Variants in PDCL2 observed in about 807,000 individuals in gnomAD.
PDCL2 encodes the protein phosducin like 2.
PDCL2 carries 23 observed loss-of-function variants against 30.3 expected under a neutral mutation model. The ratio of observed to expected loss-of-function variants is 0.76; its 90% CI spans 0.55 to 1.08. The LOEUF is 1.08. Among genes scored for constraint, PDCL2 ranks in the 50% least tolerant of loss-of-function variants. The probability of loss-of-function intolerance (pLI) is 0.00; values close to 1 mark genes in which losing one functional copy is unlikely to be tolerated. For missense variants in PDCL2, 243 were observed against 282.3 expected (o/e 0.86, Z 1.00); for synonymous variants, 68 against 86.2 (o/e 0.79, Z 1.17).
At chr4:55,559,611 T>C (rs1732073065) in intron 5 of PDCL2, among the ~76,000 whole-genome samples, 1 of 152,198 alleles carries the variant, frequency 6.6e-6, no homozygotes, top group East Asian at 1.9e-4. Context: ...CTTTTTAAAA[T>C]TAAAAATAGA....
chr4:55,568,404 G>A (rs1488331926), intron 4 of PDCL2, among the ~76,000 whole-genome samples: 1 of 152,190 alleles, frequency 6.6e-6, no homozygotes, highest in Non-Finnish European at 1.5e-5. Context: ...CAGGGGTGCA[G>A]GGAAATTGTT....
intron 4 of PDCL2, among the ~76,000 whole-genome samples, chr4:55,566,818 G>A (rs1732281478): frequency 8.7e-6 from 1 of 115,268 alleles, no homozygotes; most frequent in Non-Finnish European, 1.9e-5. Context: ...TTTACTTAAA[G>A]TATTATGAAA....
chr4:55,561,588 A>AC (rs1235751775), intron 5 of PDCL2, among the ~76,000 whole-genome samples: 1 of 152,170 alleles, frequency 6.6e-6, no homozygotes, highest in East Asian at 1.9e-4. Flanking sequence ...AAACAAACAA[A>AC]AAACAAAAAC....
chr4:55,590,249 G>A lies in PDCL2; in HGVS notation c.6+1855C>T, dbSNP rs148057021. 3.4e-5 allele frequency among the ~76,000 whole-genome samples: 5 copies of A among 145,920 alleles called. No individual in the cohort carries two copies. The East Asian group carries it at 1.0e-3, about 30-fold the overall frequency. On this transcript the variant is annotated intron_variant, in intron 1 of 5. Transcript: ENST00000295645. ...GTAAGGTTTGTTGTGCGGATTTCAG[G>A]TGGTACCTTTTCCACCTTGAGCCCA...
intron 4 of PDCL2, among the ~76,000 whole-genome samples, chr4:55,566,839 C>G (rs1732281925): frequency 2.0e-5 from 3 of 152,096 alleles, no homozygotes; most frequent in Admixed American, 2.0e-4. Flanking sequence ...CCACATCCTT[C>G]TTTTTGAGTC....
chr4:55,576,076 C>T (rs1311415315), intron 3 of PDCL2, among the ~76,000 whole-genome samples: 4 of 151,840 alleles, frequency 2.6e-5, no homozygotes, highest in Admixed American at 2.0e-4. Flanking sequence ...AATGTAAAAG[C>T]CATTATTGGA....
intron 3 of PDCL2, among the ~76,000 whole-genome samples, chr4:55,579,979 C>T (rs1489398164): frequency 2.6e-5 from 4 of 152,150 alleles, no homozygotes; most frequent in African/African-American, 9.7e-5. Flanking sequence ...TCCAGAGTAG[C>T]TGGGATTACA....
At chr4:55,562,837 G>A (rs1035856885) in intron 4 of PDCL2, among the ~76,000 whole-genome samples, 1 of 151,134 alleles carries the variant, frequency 6.6e-6, no homozygotes, top group Non-Finnish European at 1.5e-5. Context: ...AGCTACCATG[G>A]CAAGCTGATG....
intron 4 of PDCL2, among the ~76,000 whole-genome samples, chr4:55,563,821 A>G (rs1223214273): frequency 2.0e-5 from 3 of 152,206 alleles, no homozygotes; most frequent in African/African-American, 7.2e-5. Context: ...AGGCCTGGAT[A>G]GCAAAAGTGG....
intron 1 of PDCL2, among the ~76,000 whole-genome samples, chr4:55,590,500 C>A (rs1184158661): frequency 1.3e-5 from 2 of 150,526 alleles, no homozygotes; most frequent in African/African-American, 4.9e-5. Flanking sequence ...AATTTTTTCC[C>A]CCCCGAGATG....
At chr4:55,583,459 G>T (rs553809955) in intron 1 of PDCL2, among the ~76,000 whole-genome samples, 1 of 152,150 alleles carries the variant, frequency 6.6e-6, no homozygotes, top group Admixed American at 6.5e-5. Context: ...GACTGAGCTT[G>T]GGGGATTAAA....
intron 3 of PDCL2, among the ~76,000 whole-genome samples, chr4:55,575,699 G>A (rs1732548970): frequency 6.6e-6 from 1 of 152,144 alleles, no homozygotes; most frequent in Admixed American, 6.5e-5. Flanking sequence ...ACATACAAGG[G>A]ATCTTCAATA....
chr4:55,569,123 C>A (rs1438962278), intron 4 of PDCL2, among the ~76,000 whole-genome samples: 2 of 152,112 alleles, frequency 1.3e-5, no homozygotes, highest in East Asian at 3.9e-4. Context: ...TGTAAATAGA[C>A]TTCTGTTTGT....
chr4:55,569,720 T>C lies in PDCL2; in HGVS notation c.360A>G (p.Ser120=). The C allele has an allele frequency of 6.6e-7, 1 of 1,521,586 alleles. No homozygotes were observed. The highest frequency in any genetic ancestry group is 8.8e-7 in the Non-Finnish European group (1 of 1,135,784). The allele number at this position is 1,521,586 out of a possible 1,614,324, so 94.3% of individuals were successfully genotyped here. A position where few individuals can be genotyped will look rare whatever the true frequency, so the allele number is the denominator to read the frequency against. The change falls in exon 4 of 6, where the codon TCA becomes TCG. Residue 120 remains serine, a splice_region_variant and synonymous_variant. Coordinates refer to ENST00000295645, the MANE Select transcript of PDCL2 (RefSeq NM_152401.3). ...DVWVIIHLYR[S]SIPMCLLVNQ... ...TTTTGAAATATTATGGTAATTACCT[T>C]GATCTGTATAGATGAATTATAACCC...
intron 1 of PDCL2, among the ~76,000 whole-genome samples, chr4:55,585,271 T>C (rs1732830596): frequency 1.3e-5 from 2 of 152,188 alleles, no homozygotes; most frequent in African/African-American, 4.8e-5. Flanking sequence ...CTCATGCCTA[T>C]AATCCCAGGA....
chr4:55,568,078 G>T (rs1732317952), intron 4 of PDCL2, among the ~76,000 whole-genome samples: 1 of 152,158 alleles, frequency 6.6e-6, no homozygotes, highest in Non-Finnish European at 1.5e-5. Flanking sequence ...GCTATACAGG[G>T]TTATATACAG....
rs766414125 is a variant in PDCL2, at chr4:55,580,821, CTA to C, written c.216_217del (p.Tyr72Ter). The C allele has an allele frequency of 6.3e-6, 10 of 1,598,512 alleles. No individual in the cohort carries two copies. The highest frequency in any genetic ancestry group is 7.7e-6 in the Non-Finnish European group (9 of 1,171,002). ...AATTAACCCAAATGAATCACTGTACCTATATGTTTCAACAGCCTGCATATCTT... is the reference window on the plus strand; with the variant it reads ...AATTAACCCAAATGAATCACTGTACCTATGTTTCAACAGCCTGCATATCTT... On this transcript the variant is annotated stop_gained and frameshift_variant and splice_region_variant, in exon 3 of 6. Transcript: ENST00000295645. LOFTEE classifies it high-confidence loss of function.
chr4:55,574,221 A>G (rs551021173), intron 3 of PDCL2, among the ~76,000 whole-genome samples: 1 of 152,336 alleles, frequency 6.6e-6, no homozygotes, highest in South Asian at 2.1e-4. Context: ...GAATACACAA[A>G]TAAAAGAATT....
Position 55,569,753 on chromosome 4 carries a change from T to G in PDCL2, c.327A>C (p.Glu109Asp). 1 of 1,552,968 alleles carries G rather than the reference T, an allele frequency of 6.4e-7. No homozygotes were observed. Among genetic ancestry groups the G allele is most frequent in the Non-Finnish European group, 8.7e-7 (1 of 1,143,468 alleles). Residue 109 changes from glutamate to aspartate, a missense_variant, in exon 4 of 6, where the codon GAA becomes GAC. Physicochemically the swap from Glu to Asp is conservative, Grantham distance 45. Transcript: ENST00000295645. ...QYVNEVTNAE[E>D]DVWVIIHLYR... is the part of the protein sequence containing the mutation. The stretch of plus-strand genomic sequence containing the variant: ...ATAGATGAATTATAACCCACACATC[T>G]TCTTCTGCATTTGTGACTTCATTCA...
Sources: allele counts gnomAD v4.1 joint callset (sites outside exome capture counted in the v4.1 genomes callset), GRCh38; gene constraint gnomAD v4.1.1; transcripts MANE v1.5; gene names NCBI Gene and HGNC (gene_info 2026-07-23, HGNC 2026-07-21).